ZNF782: variants seen among roughly 807,000 people sequenced by gnomAD.
The protein encoded by ZNF782 is zinc finger protein 782.
In ZNF782, 12 loss-of-function variants were observed where a neutral mutation model predicts 13.0. The observed-to-expected ratio is 0.92, with a 90% confidence interval of 0.59 to 1.50. The LOEUF is 1.50. ZNF782 is among the 40% of genes most tolerant of loss of function. ZNF782 has a pLI of 0.00. For synonymous variants in ZNF782, 284 were observed against 283.0 expected (o/e 1.00, Z -0.04); for missense variants, 770 against 822.9 (o/e 0.94, Z 0.79).
chr9:96,928,174 T>C, the ZNF782 span: 1 of 160,598 alleles, frequency 6.2e-6, no homozygotes, highest in Non-Finnish European at 1.4e-5. Context: ...TGCAAAAGTA[T>C]TGCTTAGTTA....
intron 4 of ZNF782, among the ~76,000 whole-genome samples, chr9:96,840,418 T>C (rs1407709821): frequency 6.6e-6 from 1 of 152,032 alleles, no homozygotes; most frequent in Admixed American, 6.5e-5. Flanking sequence ...AAATTTTCTT[T>C]GAAAAAGTAA....
chr9:96,925,193 A>G, the ZNF782 span, among the ~76,000 whole-genome samples: 1 of 152,064 alleles, frequency 6.6e-6, no homozygotes. Flanking sequence ...GCCCGCCTCG[A>G]GGCTCCTACA....
Position 96,869,796 on chromosome 9 carries a change from A to C in ZNF782, c.-457+5672T>G, listed in dbSNP as rs74888264. Among the ~76,000 whole-genome samples the C allele has an allele frequency of 3.5e-3, 530 of 152,332 alleles. 3 individuals are homozygous for C. Among genetic ancestry groups the C allele is most frequent in the African/African-American group, 0.012 (484 of 41,576 alleles). Reference sequence around the variant, plus strand: ...AACACCTTTTGATGCTTTAGTCATTAGACTTATTTGACATTCCAATGCAGT... The same window carrying C: ...AACACCTTTTGATGCTTTAGTCATTCGACTTATTTGACATTCCAATGCAGT... On this transcript the variant is annotated intron_variant, in intron 1 of 5. Transcript: ENST00000498811.
chr9:96,885,882 C>T, the ZNF782 span, among the ~76,000 whole-genome samples: 1 of 151,954 alleles, frequency 6.6e-6, no homozygotes, highest in Non-Finnish European at 1.5e-5. Context: ...GAGTCTCACT[C>T]TGTGGCCTAG....
At chr9:96,930,718 C>T in the ZNF782 span, among the ~76,000 whole-genome samples, 2 of 148,028 alleles carry the variant, frequency 1.4e-5, no homozygotes, top group African/African-American at 5.1e-5. Flanking sequence ...CAGCTGGGAC[C>T]ACTGAGCACT....
intron 4 of ZNF782, among the ~76,000 whole-genome samples, chr9:96,841,346 C>T (rs1045799502): frequency 1.3e-5 from 2 of 151,968 alleles, no homozygotes; most frequent in Admixed American, 1.3e-4. Context: ...TCTATACAAC[C>T]TCTTCCAGAA....
At chr9:96,872,165 TA>T (rs1210752858) in intron 1 of ZNF782, among the ~76,000 whole-genome samples, 6 of 152,326 alleles carry the variant, frequency 3.9e-5, no homozygotes, top group African/African-American at 1.4e-4. Context: ...TTTCAAAAGG[TA>T]AATGCTACAA....
At chr9:96,925,149 C>T in the ZNF782 span, among the ~76,000 whole-genome samples, 1 of 152,202 alleles carries the variant, frequency 6.6e-6, no homozygotes, top group African/African-American at 2.4e-5. Flanking sequence ...ATGCTGGGAG[C>T]GGTTGAGGGC....
the ZNF782 span, among the ~76,000 whole-genome samples, chr9:96,905,447 C>G: frequency 6.6e-6 from 1 of 151,908 alleles, no homozygotes; most frequent in Non-Finnish European, 1.5e-5. Context: ...ACTGCCCACC[C>G]CTTTCCCAGA....
chr9:96,916,489 T>C, the ZNF782 span, among the ~76,000 whole-genome samples: 1 of 149,912 alleles, frequency 6.7e-6, no homozygotes, highest in Non-Finnish European at 1.5e-5. Context: ...ACTCTGTCTC[T>C]GGGAAAAAAA....
intron 4 of ZNF782, among the ~76,000 whole-genome samples, chr9:96,840,246 G>C (rs147872041): frequency 2.0e-5 from 3 of 152,046 alleles, no homozygotes; most frequent in South Asian, 2.1e-4. Context: ...CAGGTGTACT[G>C]GTTCTTTTTC....
chr9:96,826,462 G>A (rs2118444246), intron 5 of ZNF782, among the ~76,000 whole-genome samples: 1 of 152,324 alleles, frequency 6.6e-6, no homozygotes, highest in East Asian at 1.9e-4. Flanking sequence ...TGATGAGTTA[G>A]TGGGTGCAGC....
In ZNF782 at chr9:96,816,571, C is replaced by T. The variant is rs960333522; in HGVS notation, c.*1352G>A. 1 of 152,120 alleles carries T rather than the reference C, an allele frequency of 6.6e-6. No individual in the cohort carries two copies. Among genetic ancestry groups the T allele is most frequent in the East Asian group, 1.9e-4 (1 of 5,198 alleles). The allele number at this position is 152,120 out of a possible 1,614,324, so 9.4% of individuals were successfully genotyped here. Reference sequence around the variant, plus strand: ...AGTTTTGATATTATATGTGAAACAACAGTTCTGATAAAGCAATATCTAGAT... The same window carrying T: ...AGTTTTGATATTATATGTGAAACAATAGTTCTGATAAAGCAATATCTAGAT... On this transcript the variant is annotated 3_prime_UTR_variant, in exon 6 of 6. Coordinates refer to ENST00000481138, the MANE Select transcript of ZNF782 (RefSeq NM_001001662.3).
At chr9:96,910,216 G>A in the ZNF782 span, 16 of 746,980 alleles carry the variant, frequency 2.1e-5, no homozygotes, top group South Asian at 2.0e-4. Context: ...GGGAGCAGGA[G>A]GCTGACAAGG....
chr9:96,853,714 C>T (rs1851573256), intron 1 of ZNF782, among the ~76,000 whole-genome samples: 1 of 152,214 alleles, frequency 6.6e-6, no homozygotes, highest in Admixed American at 6.5e-5. Flanking sequence ...GCTGTGAAGG[C>T]TGCAATGCTG....
At chr9:96,910,166 A>C in the ZNF782 span, 5 of 841,614 alleles carry the variant, frequency 5.9e-6, no homozygotes, top group Non-Finnish European at 7.9e-6. Flanking sequence ...GGAAAATGGA[A>C]GAGACGCCCC....
the ZNF782 span, among the ~76,000 whole-genome samples, chr9:96,925,480 A>T: frequency 1.3e-4 from 20 of 152,096 alleles, no homozygotes; most frequent in East Asian, 7.8e-4. Context: ...TCTACCAAAA[A>T]TACAAAAATT....
At chr9:96,869,821 T>C (rs1249496727) in intron 1 of ZNF782, among the ~76,000 whole-genome samples, 1 of 152,190 alleles carries the variant, frequency 6.6e-6, no homozygotes, top group Non-Finnish European at 1.5e-5. Context: ...TCCAATGCAG[T>C]CCAGCACATA....
chr9:96,911,521 G>GTT, the ZNF782 span, among the ~76,000 whole-genome samples: 57 of 109,630 alleles, frequency 5.2e-4, no homozygotes, highest in African/African-American at 2.0e-3. Context: ...TTTTTGTTTT[G>GTT]TTTTGTTTTT....
Sources: gnomAD v4.1 joint callset for allele counts (sites outside exome capture counted in the v4.1 genomes callset) on GRCh38, gnomAD v4.1.1 for gene constraint, MANE v1.5 for transcripts, NCBI Gene and HGNC (gene_info 2026-07-23, HGNC 2026-07-21) for gene names.